ZNF704: variants seen among roughly 807,000 people sequenced by gnomAD.
ZNF704 encodes the protein zinc finger protein 704, also known as glucocorticoid induced gene 1.
Under a neutral mutation model 44.7 loss-of-function variants are expected in ZNF704, and 10 were observed. The ratio of observed to expected loss-of-function variants is 0.22; its 90% CI spans 0.14 to 0.38. The LOEUF is 0.38. Among genes scored for constraint, ZNF704 ranks in the 10% least tolerant of loss-of-function variants. ZNF704 has a pLI of 1.00. For missense variants in ZNF704, 390 were observed against 545.5 expected, an observed-to-expected ratio of 0.71 and a Z score of 2.84; for synonymous variants, 211 against 207.6, an observed-to-expected ratio of 1.02 and a Z score of -0.14.
chr8:80,814,552 G>C (rs76681154), intron 2 of ZNF704, among the ~76,000 whole-genome samples: 1,804 of 152,272 alleles, frequency 0.012, 21 homozygotes, highest in Non-Finnish European at 0.018. Context: ...TCTTGGAAAA[G>C]ATGTTCTTTA....
intron 2 of ZNF704, among the ~76,000 whole-genome samples, chr8:80,755,672 C>T (rs565127733): frequency 5.3e-5 from 8 of 152,274 alleles, no homozygotes; most frequent in East Asian, 3.9e-4. Context: ...GTGATTTCAG[C>T]GTGCAGCCAG....
At chr8:80,654,472 A>G (rs1222953696) in intron 7 of ZNF704, among the ~76,000 whole-genome samples, 2 of 152,234 alleles carry the variant, frequency 1.3e-5, no homozygotes, top group Non-Finnish European at 1.5e-5. Flanking sequence ...AGAATCTACA[A>G]TGAACTCCAA....
At chr8:80,677,602 A>G (rs573299915) in intron 4 of ZNF704, among the ~76,000 whole-genome samples, 5 of 152,284 alleles carry the variant, frequency 3.3e-5, no homozygotes, top group Middle Eastern at 3.4e-3. Context: ...CTGTTACCCA[A>G]AGAAAATTAG....
chr8:80,723,144 G>T (rs1335995629), intron 2 of ZNF704, among the ~76,000 whole-genome samples: 2 of 151,948 alleles, frequency 1.3e-5, no homozygotes, highest in Non-Finnish European at 2.9e-5. Context: ...CATTAAAAAG[G>T]GAATAAAATT....
At chr8:80,673,207 A>G (rs957234487) in intron 4 of ZNF704, 7 of 152,186 alleles carry the variant, frequency 4.6e-5, no homozygotes, top group Non-Finnish European at 4.4e-5. Flanking sequence ...GAAAATAAAG[A>G]TACACTTTTT....
chr8:80,807,750 C>T (rs1225905903), intron 2 of ZNF704, among the ~76,000 whole-genome samples: 1 of 151,930 alleles, frequency 6.6e-6, no homozygotes, highest in Non-Finnish European at 1.5e-5. Context: ...AAATGACCTG[C>T]CTTTTTATAA....
intron 8 of ZNF704, among the ~76,000 whole-genome samples, chr8:80,642,090 C>G (rs985637423): frequency 6.6e-6 from 1 of 152,182 alleles, no homozygotes; most frequent in Non-Finnish European, 1.5e-5. Context: ...ATTTCTAGTA[C>G]AGCAGTCCCT....
Position 80,631,048 on chromosome 8 carries a change from G to A in ZNF704, c.*10318C>T, listed in dbSNP as rs962659691. 2.0e-5 allele frequency: 3 copies of A among 152,098 alleles called. No homozygotes were observed. Among genetic ancestry groups the A allele is most frequent in the African/African-American group, 4.8e-5 (2 of 41,422 alleles). The allele number at this position is 152,098 out of a possible 1,614,324, so 9.4% of individuals were successfully genotyped here. On this transcript the variant is annotated 3_prime_UTR_variant, in exon 9 of 9. Transcript: ENST00000327835. ...CTACCAATGACCAAGGAGGTTCCCC[G>A]AACAGTCAGGAGACTGTGAAAGGAG...
intron 1 of ZNF704, among the ~76,000 whole-genome samples, chr8:80,843,546 CAT>C (rs1369538883): frequency 6.6e-6 from 1 of 152,192 alleles, no homozygotes; most frequent in Non-Finnish European, 1.5e-5. Context: ...CAGCCAGAAA[CAT>C]GTACATTCTT....
At chr8:80,655,331 TA>T (rs1045175451) in intron 7 of ZNF704, among the ~76,000 whole-genome samples, 6 of 150,218 alleles carry the variant, frequency 4.0e-5, no homozygotes, top group Non-Finnish European at 7.4e-5. Context: ...AACTTTAATT[TA>T]AAAAAAAGAA....
At chr8:80,836,622 A>T (rs997804972) in intron 1 of ZNF704, among the ~76,000 whole-genome samples, 1 of 152,062 alleles carries the variant, frequency 6.6e-6, no homozygotes, top group Non-Finnish European at 1.5e-5. Context: ...ACAAAAAATT[A>T]AAAAATTAGC....
chr8:80,686,534 A>G (rs1277431152), intron 4 of ZNF704, among the ~76,000 whole-genome samples: 2 of 151,214 alleles, frequency 1.3e-5, no homozygotes, highest in Non-Finnish European at 2.9e-5. Flanking sequence ...GGTGCATGCC[A>G]CTACACTGAG....
In ZNF704 at chr8:80,722,850, C is replaced by A. The variant is rs1161375384; in HGVS notation, c.222-29743G>T. On this transcript the variant is annotated intron_variant, in intron 2 of 8. Transcript: ENST00000327835. ...CTTTAAGAAAAAAGGCACCCTTTAT[C>A]TGTCTTCCTGTGAATTGCCTCAGGA... is the stretch of plus-strand genomic sequence containing the variant. Among the ~76,000 whole-genome samples the A allele has an allele frequency of 2.0e-5, 3 of 152,196 alleles. No individual in the cohort carries two copies. The East Asian group carries it at 5.8e-4, about 29-fold the overall frequency.
At position 80,769,989 on chromosome 8, in the gene ZNF704, C is replaced by T. The variant is rs192893471; in HGVS notation, c.221+51385G>A. The stretch of plus-strand genomic sequence containing the variant: ...CAATCATGGCAGAAGGTGAAAGGCA[C>T]GCCTCACATGGTGGCAGACAAGAGA... On this transcript the variant is annotated intron_variant, in intron 2 of 8. Coordinates refer to ENST00000327835, the MANE Select transcript of ZNF704 (RefSeq NM_001033723.3). Among the ~76,000 whole-genome samples, 329 of 152,284 alleles carry T rather than the reference C, an allele frequency of 2.2e-3. 1 individual carries two copies. The highest frequency in any genetic ancestry group is 3.7e-3 in the Admixed American group (57 of 15,286).
intron 2 of ZNF704, among the ~76,000 whole-genome samples, chr8:80,707,017 T>C (rs1399380301): frequency 6.6e-6 from 1 of 152,240 alleles, no homozygotes; most frequent in African/African-American, 2.4e-5. Flanking sequence ...TTTCTCCTAA[T>C]AGCTAATATT....
chr8:80,772,622 A>G (rs1178484182), intron 2 of ZNF704, among the ~76,000 whole-genome samples: 1 of 152,050 alleles, frequency 6.6e-6, no homozygotes, highest in East Asian at 1.9e-4. Context: ...CCATGATCCA[A>G]TCACCTCCCA....
intron 1 of ZNF704, among the ~76,000 whole-genome samples, chr8:80,859,783 A>T (rs957723946): frequency 5.9e-5 from 9 of 152,154 alleles, no homozygotes; most frequent in African/African-American, 2.2e-4. Flanking sequence ...CTTCTACTGG[A>T]TGATTGGAAA....
At position 80,629,836 on chromosome 8, in the gene ZNF704, T is replaced by G. The variant is rs1336292531; in HGVS notation, c.*11530A>C. ...TTTATCCAATGAAATATTCGTTCAC[T>G]TCATGCAGTTTTGTTTGCTTGTTAA... On this transcript the variant is annotated 3_prime_UTR_variant, in exon 9 of 9. Coordinates refer to ENST00000327835, the MANE Select transcript of ZNF704 (RefSeq NM_001033723.3). The G allele has an allele frequency of 2.0e-5, 3 of 152,252 alleles. No individual in the cohort carries two copies. Among genetic ancestry groups the G allele is most frequent in the Non-Finnish European group, 4.4e-5 (3 of 68,046 alleles). 9.4% of individuals were successfully genotyped at this position (152,252 alleles called of 1,614,324 possible).
chr8:80,847,177 A>G (rs1208092451), intron 1 of ZNF704, among the ~76,000 whole-genome samples: 2 of 152,120 alleles, frequency 1.3e-5, no homozygotes, highest in Non-Finnish European at 2.9e-5. Context: ...CATCTTAAAA[A>G]TAAAATAAAA....
Sources: gnomAD v4.1 joint callset for allele counts (sites outside exome capture counted in the v4.1 genomes callset) on GRCh38, gnomAD v4.1.1 for gene constraint, MANE v1.5 for transcripts, NCBI Gene and HGNC (gene_info 2026-07-23, HGNC 2026-07-21) for gene names.